Variants in SLC4A10 observed in about 807,000 individuals in gnomAD.
SLC4A10 encodes solute carrier family 4 member 10.
SLC4A10 carries 42 observed loss-of-function variants against 137.7 expected under a neutral mutation model. That is an observed-to-expected ratio of 0.30 (90% CI 0.24 to 0.39). The LOEUF (loss-of-function observed/expected upper bound fraction) is 0.39. Ranked by LOEUF, SLC4A10 falls within the 10% of genes least tolerant of loss-of-function variation. The pLI is 1.00. For synonymous variants in SLC4A10, 474 were observed against 464.1 expected, an observed-to-expected ratio of 1.02 and a Z score of -0.27; for missense variants, 925 against 1,355.0, an observed-to-expected ratio of 0.68 and a Z score of 4.98.
At chr2:161,667,767 T>A (rs879891840) in intron 1 of SLC4A10, among the ~76,000 whole-genome samples, 1 of 151,770 alleles carries the variant, frequency 6.6e-6, no homozygotes, top group Non-Finnish European at 1.5e-5. Flanking sequence ...GGACTTGTTT[T>A]CAGGTCCTAT....
chr2:161,788,164 G>A (rs2053830799), intron 2 of SLC4A10, among the ~76,000 whole-genome samples: 1 of 151,822 alleles, frequency 6.6e-6, no homozygotes, highest in Non-Finnish European at 1.5e-5. Context: ...TCGGTGCCAA[G>A]ACTCTGCATG....
chr2:161,765,332 C>T (rs1574845849), intron 1 of SLC4A10, among the ~76,000 whole-genome samples: 2 of 152,052 alleles, frequency 1.3e-5, no homozygotes, highest in East Asian at 1.9e-4. Context: ...TGGGGCTGGG[C>T]GTGGTGGCTC....
At chr2:161,851,004 T>G (rs1203967179) in intron 4 of SLC4A10, among the ~76,000 whole-genome samples, 4 of 152,176 alleles carry the variant, frequency 2.6e-5, no homozygotes, top group African/African-American at 9.7e-5. Flanking sequence ...TTAGTTTCCA[T>G]GTAATTGTAT....
chr2:161,769,426 T>A (rs1481464450), intron 1 of SLC4A10, among the ~76,000 whole-genome samples: 1 of 151,930 alleles, frequency 6.6e-6, no homozygotes, highest in African/African-American at 2.4e-5. Context: ...TAGTCAAAGA[T>A]CTAAAAGCAA....
intron 6 of SLC4A10, among the ~76,000 whole-genome samples, chr2:161,870,473 T>C (rs531723039): frequency 9.2e-5 from 14 of 151,902 alleles, no homozygotes; most frequent in African/African-American, 3.4e-4. Flanking sequence ...CAGATATGTG[T>C]TTATTTAATT....
chr2:161,731,451 C>T (rs972177913), intron 1 of SLC4A10, among the ~76,000 whole-genome samples: 1 of 151,984 alleles, frequency 6.6e-6, no homozygotes, highest in Non-Finnish European at 1.5e-5. Flanking sequence ...ACATTAGACA[C>T]AAGAATTGGA....
intron 3 of SLC4A10, among the ~76,000 whole-genome samples, chr2:161,819,310 G>A (rs949208735): frequency 3.9e-5 from 6 of 152,108 alleles, no homozygotes; most frequent in African/African-American, 1.4e-4. Context: ...GGTCTGTGTG[G>A]TAGTGGTGGT....
At chr2:161,848,833 C>T (rs1250839650) in intron 4 of SLC4A10, among the ~76,000 whole-genome samples, 1 of 152,084 alleles carries the variant, frequency 6.6e-6, no homozygotes. Context: ...CAGCTTCATT[C>T]TTTTTGTTCA....
At chr2:161,936,454 A>G (rs551829606) in intron 15 of SLC4A10, among the ~76,000 whole-genome samples, 109 of 152,132 alleles carry the variant, frequency 7.2e-4, no homozygotes, top group African/African-American at 2.3e-3. Flanking sequence ...AATTGATTCA[A>G]TCTCCTTACT....
chr2:161,857,866 T>C (rs1248847863), intron 5 of SLC4A10, among the ~76,000 whole-genome samples: 1 of 152,124 alleles, frequency 6.6e-6, no homozygotes, highest in South Asian at 2.1e-4. Context: ...ATAAAAATAA[T>C]TTTTTTATTA....
At chr2:161,665,505 A>G (rs781200001) in intron 1 of SLC4A10, among the ~76,000 whole-genome samples, 4 of 151,586 alleles carry the variant, frequency 2.6e-5, no homozygotes, top group Non-Finnish European at 4.4e-5. Context: ...AAAAAACAAG[A>G]TAGGTGAAGT....
chr2:161,849,119 G>A (rs190993834), intron 4 of SLC4A10, among the ~76,000 whole-genome samples: 38 of 152,000 alleles, frequency 2.5e-4, no homozygotes, highest in African/African-American at 8.0e-4. Flanking sequence ...GATCTTTTAC[G>A]TCCCTGTTTA....
chr2:161,638,943 A>AT (rs1405118637), intron 1 of SLC4A10, among the ~76,000 whole-genome samples: 2 of 151,974 alleles, frequency 1.3e-5, no homozygotes, highest in Admixed American at 6.6e-5. Context: ...AAAATCAGAG[A>AT]TAAAAAAGGA....
Position 161,863,041 on chromosome 2 carries a change from C to G in SLC4A10, c.745C>G (p.Pro249Ala), listed in dbSNP as rs2060522123. Reference protein sequence around the residue: ...FADIGKKQSEPNSMDKNAGQV... With the variant: ...FADIGKKQSEANSMDKNAGQV... ...TGATATTGGCAAGAAACAGTCAGAA[C>G]CAAATTCCATGGACAAAAATGGTAA... Residue 249 changes from proline to alanine, a missense_variant, in exon 6 of 27, where the codon CCA becomes GCA. Pro to Ala is a conservative substitution (Grantham distance 27). Coordinates refer to ENST00000446997, the MANE Select transcript of SLC4A10 (RefSeq NM_001178015.2). 3.7e-6 allele frequency: 6 copies of G among 1,613,638 alleles called. No individual in the cohort carries two copies. The East Asian group carries it at 1.3e-4, about 36-fold the overall frequency.
chr2:161,977,784 A>T lies in SLC4A10; in HGVS notation c.*26+24A>T, dbSNP rs1699616760. 4 of 1,564,542 alleles carry T rather than the reference A, an allele frequency of 2.6e-6. No individual in the cohort carries two copies. In the Admixed American group the frequency reaches 8.0e-5, roughly 31 times the overall value. ...AGGTAAGACCCTCTCCCTCAAATCT[A>T]TTCCTTGGTTGCATTTCCTTATGTT... On this transcript the variant is annotated intron_variant, in intron 26 of 26. Coordinates refer to ENST00000446997, the MANE Select transcript of SLC4A10 (RefSeq NM_001178015.2).
At chr2:161,636,870 T>TTTTTTA (rs1037925118) in intron 1 of SLC4A10, among the ~76,000 whole-genome samples, 20 of 150,958 alleles carry the variant, frequency 1.3e-4, no homozygotes, top group South Asian at 2.1e-4. Flanking sequence ...ATTTTTTTAT[T>TTTTTTA]TTTTTATTTT....
At chr2:161,703,148 C>A (rs2043295661) in intron 1 of SLC4A10, among the ~76,000 whole-genome samples, 2 of 151,532 alleles carry the variant, frequency 1.3e-5, no homozygotes, top group African/African-American at 2.4e-5. Flanking sequence ...CATTAACATC[C>A]TTTGATCTAG....
intron 1 of SLC4A10, among the ~76,000 whole-genome samples, chr2:161,705,649 A>T (rs191616187): frequency 1.4e-4 from 22 of 151,732 alleles, no homozygotes; most frequent in Non-Finnish European, 2.4e-4. Flanking sequence ...AGACCTCATA[A>T]ATTGAATTAG....
At chr2:161,914,378 C>G (rs1211590212) in intron 15 of SLC4A10, among the ~76,000 whole-genome samples, 1 of 152,180 alleles carries the variant, frequency 6.6e-6, no homozygotes, top group Non-Finnish European at 1.5e-5. Context: ...TATTAATTCT[C>G]TCTCTACAAG....
Sources: gnomAD v4.1 joint callset for allele counts (sites outside exome capture counted in the v4.1 genomes callset) on GRCh38, gnomAD v4.1.1 for gene constraint, MANE v1.5 for transcripts, NCBI Gene and HGNC (gene_info 2026-07-23, HGNC 2026-07-21) for gene names.